Variants in CMTM8 observed in about 807,000 individuals in gnomAD.
CMTM8 encodes the protein CKLF like MARVEL transmembrane domain containing 8, also known as CKLF-like MARVEL transmembrane domain-containing protein 8.
Under a neutral mutation model 18.6 loss-of-function variants are expected in CMTM8, and 12 were observed. The observed-to-expected ratio is 0.65, with a 90% CI of 0.41 to 1.05. The LOEUF is 1.05. Among genes scored for constraint, CMTM8 ranks in the 50% least tolerant of loss-of-function variants. CMTM8 has a pLI of 0.00. For missense variants in CMTM8, 217 were observed against 227.2 expected (o/e 0.95, Z 0.29); for synonymous variants, 87 against 90.6 (o/e 0.96, Z 0.23).
chr3:32,366,881 T>C (rs1035810148), intron 2 of CMTM8, among the ~76,000 whole-genome samples: 8 of 152,114 alleles, frequency 5.3e-5, no homozygotes, highest in African/African-American at 1.7e-4. Context: ...GAAGCCCTTG[T>C]CTTAAAGGTT....
intron 1 of CMTM8, among the ~76,000 whole-genome samples, chr3:32,306,927 T>C (rs1305603781): frequency 3.3e-5 from 5 of 152,114 alleles, no homozygotes; most frequent in African/African-American, 9.7e-5. Flanking sequence ...GGAGAGAAGA[T>C]GCCAGGCACA....
intron 1 of CMTM8, among the ~76,000 whole-genome samples, chr3:32,249,711 T>C (rs6550109): frequency 0.55 from 84,088 of 152,012 alleles, 23,275 homozygotes; most frequent in Middle Eastern, 0.67. Flanking sequence ...ATCCTTTGCC[T>C]ATTTTAAAAA....
intron 2 of CMTM8, 49 bp downstream of exon 2, chr3:32,357,595 G>GCCATCTACC: frequency 6.3e-7 from 1 of 1,581,302 alleles, no homozygotes; most frequent in Non-Finnish European, 8.7e-7. Context: ...CTCGGTAGAT[G>GCCATCTACC]GCATTAGTCC....
At chr3:32,361,286 G>GT (rs58364646) in intron 2 of CMTM8, among the ~76,000 whole-genome samples, 3 of 87,228 alleles carry the variant, frequency 3.4e-5, no homozygotes, top group Admixed American at 1.2e-4. Flanking sequence ...CAGCCTAAGA[G>GT]TTTTTTTTTC....
chr3:32,324,724 G>A (rs1696121884), intron 1 of CMTM8, among the ~76,000 whole-genome samples: 1 of 152,232 alleles, frequency 6.6e-6, no homozygotes, highest in African/African-American at 2.4e-5. Flanking sequence ...CCCTGCATCT[G>A]GCTGGGCCTG....
chr3:32,312,706 T>C (rs965616585), intron 1 of CMTM8, among the ~76,000 whole-genome samples: 2 of 151,998 alleles, frequency 1.3e-5, no homozygotes, highest in African/African-American at 4.8e-5. Context: ...CCCTCTTCCC[T>C]ACCCAGAGGT....
At chr3:32,293,311 G>T (rs1036260991) in intron 1 of CMTM8, among the ~76,000 whole-genome samples, 1 of 152,182 alleles carries the variant, frequency 6.6e-6, no homozygotes, top group African/African-American at 2.4e-5. Context: ...CACACTTGGG[G>T]AGGCTGAGGT....
intron 1 of CMTM8, 98 bp downstream of exon 1, chr3:32,239,217 G>T: frequency 2.2e-6 from 3 of 1,379,896 alleles, no homozygotes; most frequent in Non-Finnish European, 2.9e-6. Context: ...AGATCTTCCC[G>T]CGGGCTTTAG....
intron 1 of CMTM8, among the ~76,000 whole-genome samples, chr3:32,275,072 T>C (rs1382477598): frequency 6.6e-6 from 1 of 152,142 alleles, no homozygotes; most frequent in Non-Finnish European, 1.5e-5. Flanking sequence ...GGTGCAATCA[T>C]GGCTCACTGC....
chr3:32,270,651 A>G (rs933272202), intron 1 of CMTM8, among the ~76,000 whole-genome samples: 2 of 152,106 alleles, frequency 1.3e-5, no homozygotes, highest in Non-Finnish European at 2.9e-5. Flanking sequence ...GTTCTCACTC[A>G]TAGGTGGGAA....
intron 1 of CMTM8, among the ~76,000 whole-genome samples, chr3:32,273,534 A>G (rs974995173): frequency 2.6e-5 from 4 of 152,232 alleles, no homozygotes; most frequent in Admixed American, 6.5e-5. Context: ...GATACATGCT[A>G]TAGTATTGAT....
chr3:32,315,558 A>G (rs1242998608), intron 1 of CMTM8, among the ~76,000 whole-genome samples: 1 of 152,220 alleles, frequency 6.6e-6, no homozygotes. Flanking sequence ...CCACAGTGGG[A>G]TCCCTGGAAT....
intron 1 of CMTM8, among the ~76,000 whole-genome samples, chr3:32,303,129 A>C (rs1266753833): frequency 6.6e-6 from 1 of 152,204 alleles, no homozygotes; most frequent in Non-Finnish European, 1.5e-5. Flanking sequence ...GATCCAAAAC[A>C]AATGTAGGTT....
At chr3:32,286,443 G>A (rs1044548869) in intron 1 of CMTM8, among the ~76,000 whole-genome samples, 3 of 152,064 alleles carry the variant, frequency 2.0e-5, no homozygotes, top group African/African-American at 7.2e-5. Context: ...TGGGGTAAAC[G>A]AAGAAGCTGT....
rs774223423 is a variant in CMTM8, at chr3:32,239,042, T to A, written c.70T>A (p.Ser24Thr). Residue 24 changes from serine (S) to threonine (T), a missense_variant, in exon 1 of 4, where the codon TCC (serine) becomes ACC (threonine). Transcript: ENST00000307526. The stretch of plus-strand genomic sequence containing the variant: ...CGCCAGCTCCTTCGCAGAGAACTTC[T>A]CCACCAGCAGCAGCAGCTTCGCCTA... ...TTASSFAENFSTSSSSFAYDR... is the reference protein window; with the variant it reads ...TTASSFAENFTTSSSSFAYDR... 3.1e-6 allele frequency: 5 copies of A among 1,587,638 alleles called. No individual in the cohort carries two copies. Among genetic ancestry groups the A allele is most frequent in the South Asian group, 1.2e-5 (1 of 86,694 alleles).
intron 3 of CMTM8, among the ~76,000 whole-genome samples, chr3:32,369,350 G>A (rs1030958274): frequency 2.6e-5 from 4 of 152,008 alleles, no homozygotes; most frequent in African/African-American, 4.8e-5. Context: ...TATGGATGCC[G>A]GTGACATTAA....
intron 1 of CMTM8, among the ~76,000 whole-genome samples, chr3:32,277,146 C>T (rs896531553): frequency 6.6e-6 from 1 of 152,146 alleles, no homozygotes; most frequent in Non-Finnish European, 1.5e-5. Context: ...CTCAGCCTTC[C>T]ACGTAGCTGG....
intron 1 of CMTM8, among the ~76,000 whole-genome samples, chr3:32,341,159 G>T (rs1696483647): frequency 1.3e-5 from 2 of 152,218 alleles, no homozygotes; most frequent in African/African-American, 4.8e-5. Context: ...GCCCTGTTCA[G>T]CCTGAAGATG....
intron 1 of CMTM8, among the ~76,000 whole-genome samples, chr3:32,247,384 C>G (rs1329767208): frequency 6.6e-6 from 1 of 152,162 alleles, no homozygotes; most frequent in Non-Finnish European, 1.5e-5. Flanking sequence ...ACAATCTCAG[C>G]TCACTGCAAC....
Sources: allele counts gnomAD v4.1 joint callset (sites outside exome capture counted in the v4.1 genomes callset), GRCh38; gene constraint gnomAD v4.1.1; transcripts MANE v1.5; gene names NCBI Gene and HGNC (gene_info 2026-07-23, HGNC 2026-07-21).